Variants in SLC16A7 observed in about 807,000 individuals in gnomAD.
SLC16A7 encodes monocarboxylate transporter 2.
Under a neutral mutation model 34.9 loss-of-function variants are expected in SLC16A7, and 33 were observed. The observed-to-expected ratio is 0.94, with a 90% CI of 0.72 to 1.26. The LOEUF (loss-of-function observed/expected upper bound fraction) is 1.26. Ranked by LOEUF, SLC16A7 falls within the 50% of genes most tolerant of loss-of-function variation. SLC16A7 has a pLI of 0.00. For synonymous variants in SLC16A7, 201 were observed against 206.6 expected, an observed-to-expected ratio of 0.97 and a Z score of 0.23; for missense variants, 573 against 578.1, an observed-to-expected ratio of 0.99 and a Z score of 0.09.
chr12:59,647,655 G>A (rs1343015267), intron 1 of SLC16A7, among the ~76,000 whole-genome samples: 1 of 152,132 alleles, frequency 6.6e-6, no homozygotes, highest in Admixed American at 6.5e-5. Context: ...AGAAGAAAAT[G>A]AATGAAGGAC....
chr12:59,763,405 T>A (rs1163821914), intron 3 of SLC16A7, among the ~76,000 whole-genome samples: 1 of 152,120 alleles, frequency 6.6e-6, no homozygotes, highest in Non-Finnish European at 1.5e-5. Flanking sequence ...TTTGTAATGA[T>A]CTGTGGACTG....
chr12:59,775,561 T>A, intron 5 of SLC16A7, 86 bp downstream of exon 5: 1 of 944,126 alleles, frequency 1.1e-6, no homozygotes, highest in Non-Finnish European at 1.6e-6. Flanking sequence ...TTTAAATGTG[T>A]TTTATAATAA....
At chr12:59,646,948 C>T (rs1868257966) in intron 1 of SLC16A7, among the ~76,000 whole-genome samples, 1 of 152,086 alleles carries the variant, frequency 6.6e-6, no homozygotes, top group African/African-American at 2.4e-5. Flanking sequence ...CCAATTTCTT[C>T]CATTTGGAAT....
chr12:59,649,802 A>G (rs982719549), intron 1 of SLC16A7, among the ~76,000 whole-genome samples: 24 of 152,148 alleles, frequency 1.6e-4, no homozygotes, highest in African/African-American at 4.1e-4. Context: ...TACAAAAATT[A>G]GCCAGGTGTG....
At chr12:59,738,111 T>C (rs1320641181) in intron 3 of SLC16A7, among the ~76,000 whole-genome samples, 1 of 152,194 alleles carries the variant, frequency 6.6e-6, no homozygotes, top group African/African-American at 2.4e-5. Flanking sequence ...ATAAAAAATG[T>C]ATTCACATCA....
At chr12:59,651,752 A>G (rs920160606) in intron 1 of SLC16A7, among the ~76,000 whole-genome samples, 1 of 152,032 alleles carries the variant, frequency 6.6e-6, no homozygotes, top group Admixed American at 6.6e-5. Context: ...GTGATTTTAC[A>G]TTTTTGCCTT....
At chr12:59,655,406 T>A (rs986960272) in intron 2 of SLC16A7, among the ~76,000 whole-genome samples, 156 bp downstream of exon 2, 1 of 151,960 alleles carries the variant, frequency 6.6e-6, no homozygotes, top group African/African-American at 2.4e-5. Context: ...AAGTTGGTAC[T>A]TTTAGCTTCT....
intron 2 of SLC16A7, chr12:59,664,860 G>A (rs919199480): frequency 2.0e-5 from 3 of 152,284 alleles, no homozygotes; most frequent in African/African-American, 7.2e-5. Context: ...GTTTGCTTGT[G>A]GCTAAAAGTT....
At chr12:59,620,455 C>T (rs1246078234) in intron 1 of SLC16A7, among the ~76,000 whole-genome samples, 1 of 151,830 alleles carries the variant, frequency 6.6e-6, no homozygotes, top group Admixed American at 6.6e-5. Context: ...ATTGACCTTG[C>T]TTGTGTGTTC....
At chr12:59,642,471 A>G (rs1016285370) in intron 1 of SLC16A7, among the ~76,000 whole-genome samples, 5 of 152,028 alleles carry the variant, frequency 3.3e-5, no homozygotes, top group African/African-American at 1.2e-4. Context: ...TTTGATACTC[A>G]GGATTTTATG....
chr12:59,763,047 A>T (rs1592669698), intron 3 of SLC16A7, among the ~76,000 whole-genome samples: 2 of 152,224 alleles, frequency 1.3e-5, no homozygotes, highest in East Asian at 3.9e-4. Flanking sequence ...TTCTGGGATC[A>T]TAAGACTACA....
In SLC16A7 at chr12:59,732,971, G is replaced by T. The variant is rs756624016; in HGVS notation, c.217+27953G>T. Among the ~76,000 whole-genome samples the T allele has an allele frequency of 1.1e-4, 17 of 152,130 alleles. 1 individual carries two copies. Among genetic ancestry groups the T allele is most frequent in the Non-Finnish European group, 2.2e-4 (15 of 68,008 alleles). ...GGGGGTAAAAAAAATCCCTGAAGTT[G>T]CAAACACACCCAAAAGGGCTCTTGG... On this transcript the variant is annotated intron_variant, in intron 3 of 5. Coordinates refer to ENST00000547379, the MANE Select transcript of SLC16A7 (RefSeq NM_001270623.2).
intron 3 of SLC16A7, among the ~76,000 whole-genome samples, chr12:59,717,675 CTTCTGAAACTGT>C (rs1218871119): frequency 1.3e-5 from 2 of 152,172 alleles, no homozygotes; most frequent in Non-Finnish European, 2.9e-5. Context: ...TTCATGCATG[CTTCTGAAACTGT>C]TTCCCTAACA....
chr12:59,637,413 G>T (rs542973865), intron 1 of SLC16A7, among the ~76,000 whole-genome samples: 2 of 150,772 alleles, frequency 1.3e-5, no homozygotes, highest in Admixed American at 6.6e-5. Flanking sequence ...CCTCGGTCTC[G>T]TTGAGGCTTT....
In SLC16A7 at chr12:59,779,706, T is replaced by A; in HGVS notation, c.*27T>A. 1 of 1,560,170 alleles carries A rather than the reference T, an allele frequency of 6.4e-7. No homozygotes were observed. Among genetic ancestry groups the A allele is most frequent in the East Asian group, 2.3e-5 (1 of 44,332 alleles). The stretch of plus-strand genomic sequence containing the variant: ...AAGAATCACATCTCTGATTTCAGTG[T>A]TTATGACTTTATCTAGGAGTTTGTT... On this transcript the variant is annotated 3_prime_UTR_variant, in exon 6 of 6. Coordinates refer to ENST00000547379, the MANE Select transcript of SLC16A7 (RefSeq NM_001270623.2).
At chr12:59,706,148 AC>A (rs1873540776) in intron 3 of SLC16A7, among the ~76,000 whole-genome samples, 1 of 152,104 alleles carries the variant, frequency 6.6e-6, no homozygotes, top group Non-Finnish European at 1.5e-5. Flanking sequence ...GTGGTCTCTG[AC>A]TTTCTCATAA....
At chr12:59,708,663 C>A (rs1041538256) in intron 3 of SLC16A7, among the ~76,000 whole-genome samples, 4 of 152,056 alleles carry the variant, frequency 2.6e-5, no homozygotes, top group Non-Finnish European at 4.4e-5. Context: ...AGCAGTCAAC[C>A]TATTAATCAC....
At chr12:59,751,368 G>A (rs866238016) in intron 3 of SLC16A7, among the ~76,000 whole-genome samples, 13 of 152,344 alleles carry the variant, frequency 8.5e-5, no homozygotes, top group African/African-American at 3.1e-4. Flanking sequence ...AGGTGTGACA[G>A]AGGCACCTGG....
At chr12:59,727,852 G>C (rs1876472253) in intron 3 of SLC16A7, among the ~76,000 whole-genome samples, 1 of 152,058 alleles carries the variant, frequency 6.6e-6, no homozygotes, top group African/African-American at 2.4e-5. Context: ...TTTAGTTTAT[G>C]ACCATGCAGT....
Sources: allele counts gnomAD v4.1 joint callset (sites outside exome capture counted in the v4.1 genomes callset), GRCh38; gene constraint gnomAD v4.1.1; transcripts MANE v1.5; gene names NCBI Gene and HGNC (gene_info 2026-07-23, HGNC 2026-07-21).